ARHGAP9: variants seen among roughly 807,000 people sequenced by gnomAD.
The protein encoded by ARHGAP9 is Rho GTPase activating protein 9.
A neutral mutation model predicts 87.3 loss-of-function variants in ARHGAP9; 76 were observed. The observed-to-expected ratio is 0.87, with a 90% CI of 0.72 to 1.05. The LOEUF (loss-of-function observed/expected upper bound fraction) is 1.05. Ranked by LOEUF, ARHGAP9 falls within the 50% of genes least tolerant of loss-of-function variation. The probability of loss-of-function intolerance (pLI) is 0.00; values close to 1 mark genes in which losing one functional copy is unlikely to be tolerated. For synonymous variants in ARHGAP9, 382 were observed against 394.9 expected, an observed-to-expected ratio of 0.97 and a Z score of 0.39; for missense variants, 941 against 960.5, an observed-to-expected ratio of 0.98 and a Z score of 0.27.
rs781727716 is a variant in ARHGAP9 at position 57,473,584 on chromosome 12, G to A, written c.2024+19C>T. ...TCCACCTTTCCCCAGCATGAACAAA[G>A]AGGTTCTGTCTTCCTGACCTGCATA... On this transcript the variant is annotated intron_variant, in intron 17 of 17. Transcript: ENST00000393791. 6.2e-6 allele frequency: 10 copies of A among 1,600,384 alleles called. No individual in the cohort carries two copies. The South Asian group carries it at 9.9e-5, about 16-fold the overall frequency.
chr12:57,476,145 C>T lies in ARHGAP9; in HGVS notation c.1138G>A (p.Glu380Lys), dbSNP rs555255729. 25 of 1,542,860 alleles carry T rather than the reference C, an allele frequency of 1.6e-5. No individual in the cohort carries two copies. In the African/African-American group the frequency reaches 3.2e-4, roughly 19 times the overall value. Residue 380 changes from glutamate (E) to lysine (K), a missense_variant, in exon 9 of 18, where the codon GAA becomes AAA. By Grantham distance (56) the Glu-to-Lys change is moderately conservative. Transcript: ENST00000393791. ...SGWGPAGSRP[E>K]SSVDLRGAAL... ...GCCCCGCGCAGGTCCACGCTACTTT[C>T]GGGCCGGCTACCCGCTGGTCCCTGA...
upstream of ARHGAP9, among the ~76,000 whole-genome samples, chr12:57,481,346 G>T (rs1415633281): frequency 6.6e-6 from 1 of 152,032 alleles, no homozygotes; most frequent in Non-Finnish European, 1.5e-5. Flanking sequence ...CGCTTTCCAG[G>T]TTTAAGTGAT....
intron 8 of ARHGAP9, 74 bp from the exon 9 acceptor site, chr12:57,476,240 G>A: frequency 6.7e-7 from 1 of 1,488,514 alleles, no homozygotes; most frequent in Non-Finnish European, 9.1e-7. Context: ...TGGGCTGTGA[G>A]GAGGTGGGAG....
Position 57,472,385 on chromosome 12 carries a change from A to G in ARHGAP9, c.*132T>C. The G allele has an allele frequency of 8.4e-7, 1 of 1,194,054 alleles. No individual in the cohort carries two copies. 74.0% of individuals were successfully genotyped at this position (1,194,054 alleles called of 1,614,324 possible). A position where few individuals can be genotyped will look rare whatever the true frequency, so the allele number is the denominator to read the frequency against. ...TAGAGAAGCTCCCTCACCCATCCCA[A>G]CACCTCAAGTCACACTCATGAAGAT... On this transcript the variant is annotated 3_prime_UTR_variant, in exon 18 of 18. Transcript: ENST00000393791.
At chr12:57,477,395 T>G in intron 4 of ARHGAP9, 64 bp downstream of exon 4, 1 of 1,575,792 alleles carries the variant, frequency 6.3e-7, no homozygotes, top group South Asian at 1.1e-5. Flanking sequence ...CACACTACCT[T>G]GAGGTTCATC....
At position 57,477,465 on chromosome 12, in the gene ARHGAP9, G is replaced by A. The variant is rs201209438; in HGVS notation, c.750C>T (p.Ser250=). ...GCAGGAGGTAAGGTCTCACCGTCTC[G>A]CTGCGACTGCGGCGCGGGGGCTTCC... The part of the protein sequence containing the change: ...KSWKPPRRSR[S]ETNPGSMEGT... Residue 250 remains serine (S), a synonymous_variant, in exon 4 of 18, where the codon AGC becomes AGT. Transcript: ENST00000393791. 38 of 1,613,908 alleles carry A rather than the reference G, an allele frequency of 2.4e-5. No individual in the cohort carries two copies. Among genetic ancestry groups the A allele is most frequent in the Middle Eastern group, 1.6e-4 (1 of 6,084 alleles).
chr12:57,488,418 C>T, intron 1 of ARHGAP9: 1 of 776,748 alleles, frequency 1.3e-6, no homozygotes, highest in East Asian at 2.7e-5. Context: ...TATCTCTCTC[C>T]TCCCCTCTTC....
At chr12:57,477,851 A>G in intron 3 of ARHGAP9, 171 bp from the exon 4 acceptor site, 1 of 1,438,502 alleles carries the variant, frequency 7.0e-7, no homozygotes, top group Non-Finnish European at 9.1e-7. Context: ...CTGCTTTTTA[A>G]AAATTCTCTC....
intron 1 of ARHGAP9, chr12:57,488,438 G>C: frequency 2.3e-6 from 2 of 887,154 alleles, no homozygotes; most frequent in Non-Finnish European, 3.5e-6. Context: ...CCGTCTTCCC[G>C]GTCCCCGCCT....
chr12:57,477,594 G>A lies in ARHGAP9; in HGVS notation c.621C>T (p.Gly207=), dbSNP rs1345888829. The change falls in exon 4 of 18, where the codon GGC becomes GGT. Residue 207 remains glycine, a synonymous_variant. Transcript: ENST00000393791. ...GCCTCTGCAGCAGGGGGCATGCAGG[G>A]CCTGGGGGTGGGGACCGAGGACAGC... ...LRRCPRSPPP[G]PACPLLQRLD... 8 of 1,613,202 alleles carry A rather than the reference G, an allele frequency of 5.0e-6. No individual in the cohort carries two copies. Among genetic ancestry groups the A allele is most frequent in the Middle Eastern group, 1.6e-4 (1 of 6,080 alleles).
Position 57,488,185 on chromosome 12 carries a change from C to T in ARHGAP9, c.-204+427G>A, listed in dbSNP as rs11540809. ...GGCAGAGCAGAGGTGCTCATCAGCA[C>T]TGTAGGCCCGGAAGGTACTCGTGCT... On this transcript the variant is annotated intron_variant, in intron 1 of 20. Transcript: ENST00000393797. The T allele has an allele frequency of 1.2e-6, 2 of 1,613,270 alleles. No homozygotes were observed. Among genetic ancestry groups the T allele is most frequent in the Non-Finnish European group, 1.7e-6 (2 of 1,179,466 alleles).
rs1873559122 is a variant in ARHGAP9, at chr12:57,476,128, C to G, written c.1155G>C (p.Leu385=). The G allele has an allele frequency of 6.5e-7, 1 of 1,543,014 alleles. No homozygotes were observed. Among genetic ancestry groups the G allele is most frequent in the Non-Finnish European group, 8.7e-7 (1 of 1,144,134 alleles). ...AGSRPESSVD[L]RGAALAHGRH... The stretch of plus-strand genomic sequence containing the variant: ...GGCCGTGCGCCAGGGCCGCCCCGCG[C>G]AGGTCCACGCTACTTTCGGGCCGGC... Residue 385 remains leucine, a synonymous_variant, in exon 9 of 18, where the codon CTG becomes CTC. Coordinates refer to ENST00000393791, the MANE Select transcript of ARHGAP9 (RefSeq NM_032496.4).
At chr12:57,488,066 G>C (rs747087011) in intron 1 of ARHGAP9, 1 of 1,602,492 alleles carries the variant, frequency 6.2e-7, no homozygotes, top group South Asian at 1.1e-5. Flanking sequence ...GGTTCCGGTT[G>C]CATCAGCGAG....
rs777141766 is a variant in ARHGAP9, at chr12:57,474,404, G to A, written c.1783+19C>T. On this transcript the variant is annotated intron_variant, in intron 15 of 17. Coordinates refer to ENST00000393791, the MANE Select transcript of ARHGAP9 (RefSeq NM_032496.4). Reference sequence around the variant, plus strand: ...TATGTGGAAGTTTTAGGGATCTGAAGGGTCTTCCATGTAAGTACCTTGTCC... The same window carrying A: ...TATGTGGAAGTTTTAGGGATCTGAAAGGTCTTCCATGTAAGTACCTTGTCC... 6.2e-7 allele frequency: 1 copy of A among 1,613,962 alleles called. No homozygotes were observed. The highest frequency in any genetic ancestry group is 1.1e-5 in the South Asian group (1 of 91,076).
At chr12:57,480,961 A>G, upstream of ARHGAP9, 2 of 839,652 alleles carry the variant, frequency 2.4e-6, no homozygotes, top group Non-Finnish European at 3.9e-6. Flanking sequence ...TGATCTTCCT[A>G]GTTTACTTCA....
In ARHGAP9 at chr12:57,488,041, C is replaced by T. The variant is rs372532697; in HGVS notation, c.-204+571G>A. ...CGTGCCTCGCGGAGGCCGCTGAACT[C>T]AGAAGCGGGAGGCCGGTTCCGGTTG... On this transcript the variant is annotated intron_variant, in intron 1 of 20. Coordinates refer to the ARHGAP9 transcript ENST00000393797. 2.6e-6 allele frequency: 4 copies of T among 1,533,904 alleles called. No homozygotes were observed. The African/African-American group carries it at 5.4e-5, about 21-fold the overall frequency.
upstream of ARHGAP9, chr12:57,483,766 G>A (rs1228471517): frequency 2.3e-5 from 8 of 341,334 alleles, no homozygotes; most frequent in South Asian, 4.1e-5. Context: ...TCAGCCAGGC[G>A]TGATGGCTCA....
In ARHGAP9 at chr12:57,474,699, T is replaced by C. The variant is rs1872941033; in HGVS notation, c.1656A>G (p.Leu552=). ...TCACCCGATAAATGCCATCCACATCTAGACCTGGGAGATGAGGAAGGAGTA... is the reference window on the plus strand; with the variant it reads ...TCACCCGATAAATGCCATCCACATCCAGACCTGGGAGATGAGGAAGGAGTA... ...LCIAAVDKRG[L]DVDGIYRVSG... Residue 552 remains leucine (L), a synonymous_variant, in exon 14 of 18, where the codon CTA becomes CTG. Transcript: ENST00000393791. 1 of 1,614,130 alleles carries C rather than the reference T, an allele frequency of 6.2e-7. No individual in the cohort carries two copies. The highest frequency in any genetic ancestry group is 8.5e-7 in the Non-Finnish European group (1 of 1,180,026).
At chr12:57,481,459 G>A (rs1874997286), upstream of ARHGAP9, among the ~76,000 whole-genome samples, 2 of 151,904 alleles carry the variant, frequency 1.3e-5, no homozygotes, top group African/African-American at 4.8e-5. Flanking sequence ...CACTATGTTG[G>A]CCAGGCTGGT....
Sources: gnomAD v4.1 joint callset for allele counts (sites outside exome capture counted in the v4.1 genomes callset) on GRCh38, gnomAD v4.1.1 for gene constraint, MANE v1.5 for transcripts, NCBI Gene and HGNC (gene_info 2026-07-23, HGNC 2026-07-21) for gene names.